RNF169: variants seen among roughly 807,000 people sequenced by gnomAD.
The protein encoded by RNF169 is E3 ubiquitin-protein ligase RNF169.
In RNF169, 24 loss-of-function variants were observed where a neutral mutation model predicts 53.9. The observed-to-expected ratio is 0.45, with a 90% CI of 0.32 to 0.63. The LOEUF (loss-of-function observed/expected upper bound fraction) is 0.63. Among genes scored for constraint, RNF169 ranks in the 20% least tolerant of loss-of-function variants. The pLI is 0.04. For missense variants in RNF169, 883 were observed against 906.2 expected (o/e 0.97, Z 0.33); for synonymous variants, 396 against 363.5 (o/e 1.09, Z -1.02).
At chr11:74,787,564 G>A (rs1247800390) in intron 1 of RNF169, among the ~76,000 whole-genome samples, 1 of 152,168 alleles carries the variant, frequency 6.6e-6, no homozygotes, top group Non-Finnish European at 1.5e-5. Flanking sequence ...GAGGCTGGGA[G>A]TTTGAGGCCA....
intron 2 of RNF169, among the ~76,000 whole-genome samples, chr11:74,801,732 A>T (rs1315062490): frequency 6.6e-6 from 1 of 152,244 alleles, no homozygotes; most frequent in African/African-American, 2.4e-5. Context: ...GGATCACTGG[A>T]GCCTTGGCAA....
In RNF169 at chr11:74,836,993, C is replaced by T. The variant is rs1000200066; in HGVS notation, c.*263C>T. ...CACCCACTGGGAATGAGATTTGGAA[C>T]GGCCTCAGGAGCATAATGGCCACAG... is the stretch of plus-strand genomic sequence containing the variant. On this transcript the variant is annotated 3_prime_UTR_variant, in exon 6 of 6. Transcript: ENST00000299563. 2.2e-5 allele frequency: 8 copies of T among 360,462 alleles called. No individual in the cohort carries two copies. Among genetic ancestry groups the T allele is most frequent in the African/African-American group, 4.1e-5 (2 of 48,234 alleles). 22.3% of individuals were successfully genotyped at this position (360,462 alleles called of 1,614,324 possible).
At chr11:74,790,608 T>TC (rs2035565749) in intron 2 of RNF169, among the ~76,000 whole-genome samples, 1 of 152,204 alleles carries the variant, frequency 6.6e-6, no homozygotes, top group East Asian at 1.9e-4. Context: ...ATCTCACACC[T>TC]GCTAAAGGCG....
At chr11:74,773,009 A>G (rs2035282407) in intron 1 of RNF169, among the ~76,000 whole-genome samples, 1 of 152,212 alleles carries the variant, frequency 6.6e-6, no homozygotes, top group Non-Finnish European at 1.5e-5. Context: ...CAAAATAGAT[A>G]TATATTGGTT....
chr11:74,771,819 G>A (rs1030506373), intron 1 of RNF169, among the ~76,000 whole-genome samples: 11 of 152,234 alleles, frequency 7.2e-5, no homozygotes, highest in Non-Finnish European at 1.5e-4. Flanking sequence ...TTGGGAGGCC[G>A]AGGTAGGAGG....
chr11:74,771,087 C>T (rs369664302), intron 1 of RNF169, among the ~76,000 whole-genome samples: 1 of 152,112 alleles, frequency 6.6e-6, no homozygotes, highest in African/African-American at 2.4e-5. Flanking sequence ...GGATTACAGG[C>T]GTGAACCACC....
intron 3 of RNF169, among the ~76,000 whole-genome samples, chr11:74,812,956 C>T (rs1328962874): frequency 2.0e-5 from 3 of 152,218 alleles, no homozygotes; most frequent in African/African-American, 7.2e-5. Flanking sequence ...CCCCCAAATA[C>T]ATACACTGTG....
intron 4 of RNF169, among the ~76,000 whole-genome samples, chr11:74,826,809 A>C (rs1299559841): frequency 6.6e-6 from 1 of 152,242 alleles, no homozygotes; most frequent in Non-Finnish European, 1.5e-5. Context: ...TCCATGTCTC[A>C]CATTCAGGTC....
At chr11:74,761,744 C>T (rs1340495037) in intron 1 of RNF169, among the ~76,000 whole-genome samples, 2 of 151,558 alleles carry the variant, frequency 1.3e-5, no homozygotes, top group Non-Finnish European at 2.9e-5. Context: ...ACATTTTTTC[C>T]TTCATTTCAA....
At chr11:74,793,851 T>C (rs1244581928) in intron 2 of RNF169, among the ~76,000 whole-genome samples, 1 of 152,216 alleles carries the variant, frequency 6.6e-6, no homozygotes, top group East Asian at 1.9e-4. Flanking sequence ...AAGTCCCTTT[T>C]TACCTTTCTT....
At chr11:74,776,078 T>C (rs1163507959) in intron 1 of RNF169, among the ~76,000 whole-genome samples, 1 of 152,220 alleles carries the variant, frequency 6.6e-6, no homozygotes, top group Non-Finnish European at 1.5e-5. Flanking sequence ...TGTCTTCCCA[T>C]CTGAGCACTA....
rs1382080857 is a variant in RNF169, at chr11:74,757,309, C to T, written c.502+7927C>T. 3.7e-5 allele frequency among the ~76,000 whole-genome samples: 4 copies of T among 107,436 alleles called. No homozygotes were observed. In the East Asian group the frequency reaches 8.6e-4, roughly 23 times the overall value. 70.5% of individuals were successfully genotyped at this position (107,436 alleles called of 152,430 possible). Reference sequence around the variant, plus strand: ...GATGGTTTCCAGTTTCATCCATGTCCCTACAAAGGACATGAACTCATCATT... The same window carrying T: ...GATGGTTTCCAGTTTCATCCATGTCTCTACAAAGGACATGAACTCATCATT... On this transcript the variant is annotated intron_variant, in intron 1 of 5. Transcript: ENST00000299563.
chr11:74,810,351 A>G (rs1439629228), intron 3 of RNF169, 21 bp downstream of exon 3: 1 of 1,611,252 alleles, frequency 6.2e-7, no homozygotes, highest in African/African-American at 1.3e-5. Context: ...CACCTTTTTA[A>G]TGGATACCTG....
At chr11:74,818,653 C>T (rs1051525263) in intron 4 of RNF169, among the ~76,000 whole-genome samples, 1 of 152,142 alleles carries the variant, frequency 6.6e-6, no homozygotes, top group South Asian at 2.1e-4. Flanking sequence ...TTCAGCCTCC[C>T]AAAATGCTGG....
intron 1 of RNF169, among the ~76,000 whole-genome samples, chr11:74,782,275 A>G (rs891817353): frequency 1.3e-5 from 2 of 152,176 alleles, no homozygotes; most frequent in African/African-American, 4.8e-5. Context: ...ATGAAGTGGT[A>G]TGAAGATGAA....
At chr11:74,822,309 C>A (rs978903993) in intron 4 of RNF169, among the ~76,000 whole-genome samples, 1 of 152,184 alleles carries the variant, frequency 6.6e-6, no homozygotes. Context: ...ATTAAATCTT[C>A]TAGCTTTCCA....
chr11:74,816,093 G>A (rs2035938547), intron 3 of RNF169, among the ~76,000 whole-genome samples: 2 of 152,168 alleles, frequency 1.3e-5, no homozygotes, highest in Non-Finnish European at 2.9e-5. Context: ...AAGGCCAGCT[G>A]TTAGCAAATA....
intron 5 of RNF169, among the ~76,000 whole-genome samples, chr11:74,835,011 C>G (rs1010040762): frequency 1.3e-5 from 2 of 152,018 alleles, no homozygotes; most frequent in Admixed American, 1.3e-4. Context: ...GAGACAGAGT[C>G]TCACTCTGTT....
chr11:74,749,946 TAGTG>T (rs1349314195), intron 1 of RNF169, among the ~76,000 whole-genome samples: 25 of 152,302 alleles, frequency 1.6e-4, no homozygotes, highest in Middle Eastern at 3.4e-3. Context: ...ACTTGGCACA[TAGTG>T]AGGAAGCAGT....
Sources: allele counts gnomAD v4.1 joint callset (sites outside exome capture counted in the v4.1 genomes callset), GRCh38; gene constraint gnomAD v4.1.1; transcripts MANE v1.5; gene names NCBI Gene and HGNC (gene_info 2026-07-23, HGNC 2026-07-21).